RALGAPA2: variants seen among roughly 807,000 people sequenced by gnomAD.
The protein encoded by RALGAPA2 is Ral GTPase activating protein catalytic subunit alpha 2.
In RALGAPA2, 139 loss-of-function variants were observed where a neutral mutation model predicts 230.4. The ratio of observed to expected loss-of-function variants is 0.60; its 90% CI spans 0.53 to 0.69. The LOEUF (loss-of-function observed/expected upper bound fraction) is 0.69, where lower values mean the gene tolerates loss of function less well. Among genes scored for constraint, RALGAPA2 ranks in the 30% least tolerant of loss-of-function variants. The pLI, the probability that RALGAPA2 is intolerant of heterozygous loss-of-function variation, is 0.00. For missense variants in RALGAPA2, 2,163 were observed against 2,276.0 expected (o/e 0.95, Z 1.01); for synonymous variants, 847 against 837.8 (o/e 1.01, Z -0.19).
chr20:20,431,595 C>A lies in RALGAPA2; in HGVS notation c.5496-19447G>T, dbSNP rs560293328. 7.9e-5 allele frequency among the ~76,000 whole-genome samples: 12 copies of A among 152,222 alleles called. No individual in the cohort carries two copies. In the East Asian group the frequency reaches 2.1e-3, roughly 27 times the overall value. ...TGGCAATAAATTACTCTAAAATTATCCTTGAGATGGGAGGATGGCCATATG... is the reference window on the plus strand; with the variant it reads ...TGGCAATAAATTACTCTAAAATTATACTTGAGATGGGAGGATGGCCATATG... On this transcript the variant is annotated intron_variant, in intron 37 of 39. Transcript: ENST00000202677.
At chr20:20,521,239 C>G (rs1248962098) in intron 30 of RALGAPA2, 139 bp from the exon 31 acceptor site, 1 of 622,126 alleles carries the variant, frequency 1.6e-6, no homozygotes, top group Non-Finnish European at 2.7e-6. Context: ...TCTTAAATAT[C>G]TTCTTGCTAT....
chr20:20,680,736 A>G lies in RALGAPA2; in HGVS notation c.172T>C (p.Phe58Leu), dbSNP rs1204034764. 1.3e-6 allele frequency: 2 copies of G among 1,585,678 alleles called. No individual in the cohort carries two copies. The highest frequency in any genetic ancestry group is 1.9e-5 in the Admixed American group (1 of 53,138). The change falls in exon 2 of 40, where the codon TTC becomes CTC. Residue 58 changes from phenylalanine to leucine, a missense_variant. Transcript: ENST00000202677. ...TCCAGTGCTATAAAATTTTCATAGA[A>G]GATGAAATATATCTGAGAATAGTTG... is the stretch of plus-strand genomic sequence containing the variant. ...ETNYSQIYFIFYENFIALENS... is the reference protein window; with the variant it reads ...ETNYSQIYFILYENFIALENS...
At chr20:20,440,229 A>C (rs1490285166) in intron 37 of RALGAPA2, among the ~76,000 whole-genome samples, 1 of 152,192 alleles carries the variant, frequency 6.6e-6, no homozygotes, top group Admixed American at 6.5e-5. Context: ...TACATGAAGT[A>C]TAATCAAAGA....
At chr20:20,525,761 C>T (rs956174355) in intron 28 of RALGAPA2, among the ~76,000 whole-genome samples, 6 of 152,140 alleles carry the variant, frequency 3.9e-5, no homozygotes, top group Non-Finnish European at 7.4e-5. Flanking sequence ...CTATTCCTTC[C>T]GCCCCTCTTT....
At position 20,676,229 on chromosome 20, in the gene RALGAPA2, A is replaced by C. The variant is rs1372072104; in HGVS notation, c.270+7T>G. 1.3e-6 allele frequency: 2 copies of C among 1,517,378 alleles called. No individual in the cohort carries two copies. The highest frequency in any genetic ancestry group is 2.3e-5 in the East Asian group (1 of 43,916). 94.0% of individuals were successfully genotyped at this position (1,517,378 alleles called of 1,614,324 possible). A position where few individuals can be genotyped will look rare whatever the true frequency, so the allele number is the denominator to read the frequency against. On this transcript the variant is annotated splice_region_variant and intron_variant, in intron 3 of 39. Transcript: ENST00000202677. ...TATAAAAGCTAAATAAACTCATCAA[A>C]ACTTACTTCAAAAAGGAAGAGGATG...
chr20:20,655,973 T>C (rs1443350366), intron 3 of RALGAPA2, among the ~76,000 whole-genome samples: 3 of 152,212 alleles, frequency 2.0e-5, no homozygotes, highest in Admixed American at 6.5e-5. Flanking sequence ...AGTTTGATTC[T>C]GGACATCCTG....
At position 20,658,983 on chromosome 20, in the gene RALGAPA2, C is replaced by T. The variant is rs146925597; in HGVS notation, c.271-5396G>A. On this transcript the variant is annotated intron_variant, in intron 3 of 39. Transcript: ENST00000202677. The stretch of plus-strand genomic sequence containing the variant: ...ACAATAATGACCAACTAACATGTTA[C>T]ATCTGAAAGCAGAGTGTGGGGAGCA... Among the ~76,000 whole-genome samples the T allele has an allele frequency of 8.5e-4, 129 of 152,274 alleles. 1 individual carries two copies. The highest frequency in any genetic ancestry group is 2.8e-3 in the African/African-American group (115 of 41,546).
Position 20,712,622 on chromosome 20 carries a change from G to C in RALGAPA2, c.-142C>G. ...CGCTGCTGCCGCCGCCGCCGCCGCC[G>C]CCGCCGCCTCAGCTGTGTCTCCAGG... On this transcript the variant is annotated 5_prime_UTR_variant, in exon 1 of 40. Transcript: ENST00000202677. The surrounding 1 kb of genome is among the most constrained non-coding windows in gnomAD (Gnocchi z 5.5). 2 of 1,190,714 alleles carry C rather than the reference G, an allele frequency of 1.7e-6. No homozygotes were observed. Among genetic ancestry groups the C allele is most frequent in the Middle Eastern group, 3.3e-4 (1 of 3,018 alleles). The allele number at this position is 1,190,714 out of a possible 1,614,324, so 73.8% of individuals were successfully genotyped here.
intron 18 of RALGAPA2, 34 bp from the exon 19 acceptor site, chr20:20,584,989 G>A: frequency 6.6e-7 from 1 of 1,504,328 alleles, no homozygotes; most frequent in Non-Finnish European, 9.1e-7. Flanking sequence ...ATTTACTACA[G>A]GAAAGTTTTC....
At chr20:20,559,855 C>T (rs1401438597) in intron 23 of RALGAPA2, among the ~76,000 whole-genome samples, 1 of 152,114 alleles carries the variant, frequency 6.6e-6, no homozygotes, top group Non-Finnish European at 1.5e-5. Flanking sequence ...GCATCATGCC[C>T]TGTTGTACTC....
At chr20:20,450,563 G>A (rs2060964798) in intron 37 of RALGAPA2, among the ~76,000 whole-genome samples, 1 of 152,206 alleles carries the variant, frequency 6.6e-6, no homozygotes, top group Non-Finnish European at 1.5e-5. Flanking sequence ...AACAGCAGGC[G>A]GCCATAGAGT....
chr20:20,599,972 C>CA (rs200381744), intron 16 of RALGAPA2, among the ~76,000 whole-genome samples: 7 of 146,584 alleles, frequency 4.8e-5, no homozygotes, highest in East Asian at 2.0e-4. Flanking sequence ...GACTCTGTCT[C>CA]AAAAAAAATA....
At chr20:20,507,764 C>CT (rs2062576298) in intron 33 of RALGAPA2, among the ~76,000 whole-genome samples, 1 of 152,176 alleles carries the variant, frequency 6.6e-6, no homozygotes, top group Non-Finnish European at 1.5e-5. Flanking sequence ...AGGCAGGGGA[C>CT]ACCAATGGCG....
At chr20:20,569,916 A>G (rs1371343852) in intron 23 of RALGAPA2, among the ~76,000 whole-genome samples, 1 of 152,114 alleles carries the variant, frequency 6.6e-6, no homozygotes, top group Non-Finnish European at 1.5e-5. Context: ...AAAGTAGGGT[A>G]TTGTTAAGTA....
chr20:20,655,722 C>T (rs1329688175), intron 3 of RALGAPA2, among the ~76,000 whole-genome samples: 2 of 152,086 alleles, frequency 1.3e-5, no homozygotes, highest in Non-Finnish European at 1.5e-5. Flanking sequence ...TAGACACAGT[C>T]ACTAAAGAGA....
chr20:20,422,199 T>C (rs1328533385), intron 37 of RALGAPA2, among the ~76,000 whole-genome samples: 1 of 152,004 alleles, frequency 6.6e-6, no homozygotes, highest in African/African-American at 2.4e-5. Flanking sequence ...TGTTGTGGAA[T>C]TGGAAGTGGC....
intron 10 of RALGAPA2, among the ~76,000 whole-genome samples, chr20:20,628,761 A>G (rs2066573672): frequency 1.3e-5 from 2 of 152,000 alleles, no homozygotes; most frequent in South Asian, 4.1e-4. Context: ...CTCTGATGTC[A>G]CTCACGGCCA....
At chr20:20,490,861 AACACACACACAC>A (rs34230105) in intron 36 of RALGAPA2, among the ~76,000 whole-genome samples, 21 of 142,290 alleles carry the variant, frequency 1.5e-4, no homozygotes, top group South Asian at 4.6e-4. Flanking sequence ...AACACACATG[AACACACACACAC>A]ACACACACAC....
chr20:20,670,101 C>A (rs893451444), intron 3 of RALGAPA2, among the ~76,000 whole-genome samples: 6 of 152,236 alleles, frequency 3.9e-5, no homozygotes, highest in African/African-American at 1.4e-4. Flanking sequence ...CCGCTCACCA[C>A]GAAATGGTAA....
Sources: gnomAD v4.1 joint callset for allele counts (sites outside exome capture counted in the v4.1 genomes callset) on GRCh38, gnomAD v4.1.1 for gene constraint, Gnocchi (gnomAD v3.1) non-coding constraint, MANE v1.5 for transcripts, NCBI Gene and HGNC (gene_info 2026-07-23, HGNC 2026-07-21) for gene names.